Variants in LUZP2 observed in about 807,000 individuals in gnomAD.
The protein encoded by LUZP2 is leucine zipper protein 2.
A neutral mutation model predicts 51.6 loss-of-function variants in LUZP2; 52 were observed. The observed-to-expected ratio is 1.01, with a 90% confidence interval of 0.81 to 1.27. The LOEUF is 1.27. LUZP2 is among the 50% of genes most tolerant of loss of function. The pLI is 0.00. For missense variants in LUZP2, 436 were observed against 395.4 expected (o/e 1.10, Z -0.87); for synonymous variants, 154 against 137.3 (o/e 1.12, Z -0.85).
At chr11:24,993,395 C>T (rs554573027) in intron 9 of LUZP2, among the ~76,000 whole-genome samples, 229 of 152,240 alleles carry the variant, frequency 1.5e-3, no homozygotes, top group African/African-American at 5.2e-3. Context: ...GGGTTATTTA[C>T]ATCTTTCCTC....
At chr11:24,903,432 G>C (rs1474417601) in intron 5 of LUZP2, among the ~76,000 whole-genome samples, 1 of 152,082 alleles carries the variant, frequency 6.6e-6, no homozygotes, top group East Asian at 1.9e-4. Context: ...TGGGACAACT[G>C]TACCCCCTCA....
intron 1 of LUZP2, among the ~76,000 whole-genome samples, chr11:24,727,985 G>T (rs1858544397): frequency 6.6e-6 from 1 of 151,858 alleles, no homozygotes; most frequent in South Asian, 2.1e-4. Flanking sequence ...CTTAGTAATA[G>T]AAATTATATA....
At chr11:24,664,037 A>G (rs1007638955) in intron 1 of LUZP2, among the ~76,000 whole-genome samples, 3 of 152,218 alleles carry the variant, frequency 2.0e-5, no homozygotes, top group Non-Finnish European at 4.4e-5. Flanking sequence ...GGTACCAGGT[A>G]GAACGGTGTT....
At chr11:24,999,544 C>A (rs755437029) in intron 9 of LUZP2, among the ~76,000 whole-genome samples, 2 of 151,992 alleles carry the variant, frequency 1.3e-5, no homozygotes, top group East Asian at 3.9e-4. Context: ...GGAGTGGTAA[C>A]ACTCCTTTTA....
rs190935543 is a variant in LUZP2, at chr11:24,830,866, C to T, written c.396+67558C>T. ...AAAATTAGCCGGGTGTGATGGTGGG[C>T]GCCTATAGTCCCAGCTACTTGGTAG... On this transcript the variant is annotated intron_variant, in intron 5 of 11. Coordinates refer to ENST00000336930, the MANE Select transcript of LUZP2 (RefSeq NM_001009909.4). Among the ~76,000 whole-genome samples, 1,213 of 151,828 alleles carry T rather than the reference C, an allele frequency of 8.0e-3. 6 individuals carry two copies. The highest frequency in any genetic ancestry group is 0.01 in the Non-Finnish European group (698 of 67,924).
intron 5 of LUZP2, among the ~76,000 whole-genome samples, chr11:24,841,326 T>C (rs1343615638): frequency 1.3e-5 from 2 of 152,098 alleles, no homozygotes; most frequent in Non-Finnish European, 2.9e-5. Context: ...TAGACAGTGA[T>C]CTGTGAGGAC....
chr11:24,831,331 G>A (rs1234688925), intron 5 of LUZP2, among the ~76,000 whole-genome samples: 8 of 152,198 alleles, frequency 5.3e-5, no homozygotes, highest in Admixed American at 5.2e-4. Context: ...TACACAGAGA[G>A]ATACAGGCAA....
intron 9 of LUZP2, among the ~76,000 whole-genome samples, chr11:24,984,313 A>G (rs183391465): frequency 6.6e-6 from 1 of 151,224 alleles, no homozygotes; most frequent in Non-Finnish European, 1.5e-5. Flanking sequence ...GGGAAATGCT[A>G]TTTTCAGGAT....
At chr11:25,041,173 C>T (rs902224478) in intron 9 of LUZP2, among the ~76,000 whole-genome samples, 2 of 152,092 alleles carry the variant, frequency 1.3e-5, no homozygotes, top group African/African-American at 2.4e-5. Context: ...TTTTCCAAGA[C>T]CTTGACTGGA....
In LUZP2 at chr11:24,988,079, T is replaced by G. The variant is rs80106064; in HGVS notation, c.765+4786T>G. On this transcript the variant is annotated intron_variant, in intron 9 of 11. Coordinates refer to ENST00000336930, the MANE Select transcript of LUZP2 (RefSeq NM_001009909.4). ...CTAAGAAGTAAGCTTGCCCTATCTC[T>G]CTACTTCTCTGCTTCTAGAAGAGAT... Among the ~76,000 whole-genome samples the G allele has an allele frequency of 7.7e-3, 1,167 of 152,110 alleles. 33 individuals are homozygous for G. In the East Asian group the frequency reaches 0.099, roughly 13 times the overall value.
intron 7 of LUZP2, among the ~76,000 whole-genome samples, chr11:24,963,454 C>T (rs901111994): frequency 1.3e-5 from 2 of 152,192 alleles, no homozygotes; most frequent in African/African-American, 4.8e-5. Flanking sequence ...TTTACCTAAG[C>T]AAGCCTGGGC....
chr11:25,056,863 G>C (rs745823456), intron 10 of LUZP2, among the ~76,000 whole-genome samples: 1 of 152,136 alleles, frequency 6.6e-6, no homozygotes, highest in African/African-American at 2.4e-5. Flanking sequence ...CGCTTTGGGA[G>C]CCCAAGGTGG....
intron 1 of LUZP2, among the ~76,000 whole-genome samples, chr11:24,679,601 G>C (rs554838342): frequency 1.3e-4 from 20 of 152,126 alleles, no homozygotes; most frequent in African/African-American, 4.8e-4. Context: ...ATTTTTAAAA[G>C]ATATGGTAAG....
At chr11:24,891,841 G>C (rs1852865018) in intron 5 of LUZP2, 1 of 983,338 alleles carries the variant, frequency 1.0e-6, no homozygotes, top group African/African-American at 1.8e-5. Flanking sequence ...ACTCTGCACT[G>C]AACATCTGAC....
intron 1 of LUZP2, among the ~76,000 whole-genome samples, chr11:24,626,651 T>C (rs1854694908): frequency 6.6e-6 from 1 of 152,196 alleles, no homozygotes; most frequent in African/African-American, 2.4e-5. Context: ...GTTACTGAAC[T>C]TCAGCCAATT....
intron 4 of LUZP2, among the ~76,000 whole-genome samples, chr11:24,752,919 G>T (rs1003935210): frequency 6.6e-6 from 1 of 151,894 alleles, no homozygotes; most frequent in African/African-American, 2.4e-5. Flanking sequence ...AATGTTCTAA[G>T]TTTAAAAATT....
At chr11:24,576,207 T>C (rs1852640120) in intron 1 of LUZP2, among the ~76,000 whole-genome samples, 1 of 151,840 alleles carries the variant, frequency 6.6e-6, no homozygotes. Flanking sequence ...GGTCAGGAGT[T>C]CGAGAGCAGC....
intron 1 of LUZP2, among the ~76,000 whole-genome samples, chr11:24,553,043 C>A (rs946392535): frequency 6.6e-6 from 1 of 151,436 alleles, no homozygotes. Flanking sequence ...CATACACATA[C>A]TGTAGACCTT....
intron 10 of LUZP2, among the ~76,000 whole-genome samples, chr11:25,074,348 T>TA (rs1173811097): frequency 4.6e-5 from 7 of 152,294 alleles, no homozygotes; most frequent in South Asian, 2.1e-4. Flanking sequence ...TGAACCATCT[T>TA]ACAAAATTTC....
Sources: allele counts gnomAD v4.1 joint callset (sites outside exome capture counted in the v4.1 genomes callset), GRCh38; gene constraint gnomAD v4.1.1; transcripts MANE v1.5; gene names NCBI Gene and HGNC (gene_info 2026-07-23, HGNC 2026-07-21).